Variants in TRIM11 observed in about 807,000 individuals in gnomAD.
The protein encoded by TRIM11 is tripartite motif containing 11.
In TRIM11, 15 loss-of-function variants were observed where a neutral mutation model predicts 33.4. The observed-to-expected ratio is 0.45, with a 90% confidence interval of 0.30 to 0.69. The LOEUF is 0.69. Among genes scored for constraint, TRIM11 ranks in the 30% least tolerant of loss-of-function variants. TRIM11 has a pLI of 0.08. For missense variants in TRIM11, 499 were observed against 667.6 expected (o/e 0.75, Z 2.78); for synonymous variants, 281 against 302.6 (o/e 0.93, Z 0.74).
chr1:228,404,002 A>G (rs1366565797), intron 1 of TRIM11: 3 of 152,226 alleles, frequency 2.0e-5, no homozygotes, highest in Admixed American at 6.5e-5. Context: ...ATTTGATCAG[A>G]TGGAATGGGC....
rs916142827 is a variant in TRIM11, at chr1:228,395,539, G to C, written c.860-287C>G. The C allele has an allele frequency of 3.3e-6, 1 of 299,528 alleles. No homozygotes were observed. The highest frequency in any genetic ancestry group is 6.1e-6 in the Non-Finnish European group (1 of 165,042). 18.6% of individuals were successfully genotyped at this position (299,528 alleles called of 1,614,324 possible). A position where few individuals can be genotyped will look rare whatever the true frequency, so the allele number is the denominator to read the frequency against. ...TTGCTTTTTTTTTTTTTTTTAAAGA[G>C]GCAGGGTCTTGCTCTGTGGCCCCAG... On this transcript the variant is annotated intron_variant, in intron 5 of 5. Coordinates refer to ENST00000284551, the MANE Select transcript of TRIM11 (RefSeq NM_145214.3). The surrounding 1 kb of genome is among the most constrained non-coding windows in gnomAD (Gnocchi z 4.8).
Position 228,406,338 on chromosome 1 carries a change from GC to G in TRIM11, c.223del (p.Ala75ProfsTer144). 1 of 1,482,040 alleles carries G rather than the reference GC, an allele frequency of 6.7e-7. No individual in the cohort carries two copies. The allele number at this position is 1,482,040 out of a possible 1,614,324, so 91.8% of individuals were successfully genotyped here. ...LRPNRPLAKMAEMARRLHPPS... is the reference protein window; with the variant it reads ...LRPNRPLAKMXEMARRLHPPS... The stretch of plus-strand genomic sequence containing the variant: ...CGGGTGCAGGCGCCGCGCCATCTCG[GC>G]CATCTTAGCAAGCGGGCGGTTGGGC... On this transcript the variant is annotated frameshift_variant, in exon 1 of 6. Transcript: ENST00000284551. LOFTEE classifies it high-confidence loss of function. This position sits in a 1 kb window ranked among gnomAD's most constrained non-coding sequence, Gnocchi z 8.2.
At chr1:228,398,535 C>A (rs12061642) in intron 3 of TRIM11, among the ~76,000 whole-genome samples, 13,686 of 152,176 alleles carry the variant, frequency 0.09, 871 homozygotes, top group East Asian at 0.32. Flanking sequence ...GGAAGGATCG[C>A]TTCAGCCCAG....
chr1:228,405,917 T>C (rs906661023), intron 1 of TRIM11: 22 of 390,824 alleles, frequency 5.6e-5, no homozygotes, highest in Non-Finnish European at 7.6e-5. Flanking sequence ...CAGGGTCTCA[T>C]TGGCGGCCAT....
chr1:228,405,150 G>A (rs1165163171), intron 1 of TRIM11: 2 of 152,234 alleles, frequency 1.3e-5, no homozygotes, highest in South Asian at 4.1e-4. Flanking sequence ...TTCCTGCATG[G>A]GCAAAGAAAA....
chr1:228,406,177 G>C lies in TRIM11; in HGVS notation c.385C>G (p.Gln129Glu), dbSNP rs984513198. 3 of 1,425,346 alleles carry C rather than the reference G, an allele frequency of 2.1e-6. No individual in the cohort carries two copies. Among genetic ancestry groups the C allele is most frequent in the Admixed American group, 3.1e-5 (1 of 31,808 alleles). The allele number at this position is 1,425,346 out of a possible 1,614,324, so 88.3% of individuals were successfully genotyped here. A position where few individuals can be genotyped will look rare whatever the true frequency, so the allele number is the denominator to read the frequency against. ...ACCTTGAGGTCTTCGGCCGCGTCCT[G>C]CAGCGGCCGCACGCGGTGCGCCCAG... is the stretch of plus-strand genomic sequence containing the variant. ...EHWAHRVRPL[Q>E]DAAEDLKAKL... The change falls in exon 1 of 6, where the codon CAG (glutamine) becomes GAG (glutamate). Residue 129 changes from glutamine to glutamate, a missense_variant. Gln to Glu is a conservative substitution (Grantham distance 29). Coordinates refer to ENST00000284551, the MANE Select transcript of TRIM11 (RefSeq NM_145214.3). This position sits in a 1 kb window ranked among gnomAD's most constrained non-coding sequence, Gnocchi z 8.2.
At chr1:228,397,618 C>T (rs2074997540) in intron 3 of TRIM11, 1 of 174,396 alleles carries the variant, frequency 5.7e-6, no homozygotes, top group Admixed American at 5.8e-5. Context: ...AGGCTCCCTG[C>T]TCAGCCCCAC....
At chr1:228,399,897 A>C (rs551331725) in intron 3 of TRIM11, among the ~76,000 whole-genome samples, 58 of 151,450 alleles carry the variant, frequency 3.8e-4, no homozygotes, top group Non-Finnish European at 6.0e-4. Context: ...AAAACAAAAA[A>C]AAAAAAACAA....
At chr1:228,398,738 G>C (rs775245358) in intron 3 of TRIM11, among the ~76,000 whole-genome samples, 5 of 152,096 alleles carry the variant, frequency 3.3e-5, no homozygotes, top group Non-Finnish European at 5.9e-5. Context: ...GCACAGGGCA[G>C]GGGCAGATGG....
intron 5 of TRIM11, 22 bp downstream of exon 5, chr1:228,396,925 C>A: frequency 1.2e-6 from 2 of 1,612,252 alleles, no homozygotes; most frequent in South Asian, 2.2e-5. Context: ...GTCATCTCCC[C>A]ACCTGGGGCC....
rs75635389 is a variant in TRIM11 at position 228,395,397 on chromosome 1, G to A, written c.860-145C>T. ...GCCTGTAGCCTCACAACCTCCTGGAGTAACTAACTGTCTCCAAGTGGACAT... is the reference window on the plus strand; with the variant it reads ...GCCTGTAGCCTCACAACCTCCTGGAATAACTAACTGTCTCCAAGTGGACAT... On this transcript the variant is annotated intron_variant, in intron 5 of 5. Coordinates refer to ENST00000284551, the MANE Select transcript of TRIM11 (RefSeq NM_145214.3). The surrounding 1 kb of genome is among the most constrained non-coding windows in gnomAD (Gnocchi z 4.8). The A allele has an allele frequency of 6.7e-4, 490 of 735,080 alleles. 4 individuals carry two copies. The African/African-American group carries it at 8.1e-3, about 12-fold the overall frequency. The allele number at this position is 735,080 out of a possible 1,614,324, so 45.5% of individuals were successfully genotyped here. A position where few individuals can be genotyped will look rare whatever the true frequency, so the allele number is the denominator to read the frequency against.
At chr1:228,405,501 C>T (rs1463754119) in intron 1 of TRIM11, 1 of 152,238 alleles carries the variant, frequency 6.6e-6, no homozygotes, top group East Asian at 1.9e-4. Context: ...GAACGTGTGC[C>T]CCAGGCCCTT....
At chr1:228,396,725 T>C (rs1225288411) in intron 5 of TRIM11, 2 of 718,182 alleles carry the variant, frequency 2.8e-6, no homozygotes, top group Non-Finnish European at 5.2e-6. Flanking sequence ...AATCCTTGGA[T>C]ACCCAATTCG....
intron 5 of TRIM11, 66 bp downstream of exon 5, chr1:228,396,881 G>T: frequency 6.8e-7 from 1 of 1,480,362 alleles, no homozygotes; most frequent in Non-Finnish European, 9.4e-7. Context: ...ACACGTGGCT[G>T]GCTGCCCAGG....
Position 228,394,537 on chromosome 1 carries a change from C to T in TRIM11, c.*168G>A. On this transcript the variant is annotated 3_prime_UTR_variant, in exon 6 of 6. Coordinates refer to ENST00000284551, the MANE Select transcript of TRIM11 (RefSeq NM_145214.3). This position sits in a 1 kb window ranked among gnomAD's most constrained non-coding sequence, Gnocchi z 6.2. ...CTGCCCCACACTCTCCCACAGTTTC[C>T]TGGAGTGCTAGAATTGGGGTTCTCC... 3 of 770,702 alleles carry T rather than the reference C, an allele frequency of 3.9e-6. No homozygotes were observed. Among genetic ancestry groups the T allele is most frequent in the South Asian group, 4.1e-5 (2 of 49,162 alleles). 47.7% of individuals were successfully genotyped at this position (770,702 alleles called of 1,614,324 possible).
At chr1:228,397,901 T>A (rs1436044826) in intron 3 of TRIM11, among the ~76,000 whole-genome samples, 2 of 152,116 alleles carry the variant, frequency 1.3e-5, no homozygotes, top group African/African-American at 2.4e-5. Context: ...CCTGTGAGGA[T>A]ACAGGGAAGA....
rs74141226 is a variant in TRIM11, at chr1:228,400,762, C to G, written c.735+202G>C. ...AAAATTGATTTTCCCTTTCTCGGCA[C>G]GTGGGTTTTGGGGGTGGGACATCTG... is the stretch of plus-strand genomic sequence containing the variant. On this transcript the variant is annotated intron_variant, in intron 3 of 5. Transcript: ENST00000284551. The surrounding 1 kb of genome is among the most constrained non-coding windows in gnomAD (Gnocchi z 4.5). Among the ~76,000 whole-genome samples, 185 of 152,288 alleles carry G rather than the reference C, an allele frequency of 1.2e-3. No homozygotes were observed. The highest frequency in any genetic ancestry group is 4.2e-3 in the African/African-American group (175 of 41,554).
At position 228,395,127 on chromosome 1, in the gene TRIM11, G is replaced by A; in HGVS notation, c.985C>T (p.Pro329Ser). 1 of 1,581,188 alleles carries A rather than the reference G, an allele frequency of 6.3e-7. No individual in the cohort carries two copies. Residue 329 changes from proline (P) to serine (S), a missense_variant, in exon 6 of 6, where the codon CCC becomes TCC. Coordinates refer to ENST00000284551, the MANE Select transcript of TRIM11 (RefSeq NM_145214.3). This position sits in a 1 kb window ranked among gnomAD's most constrained non-coding sequence, Gnocchi z 4.8. ...AAGCGCTCCTGGCCCAGCACGCAGG[G>A]GCCGGGGTCAAAGCGCTCTGGGCTG... ...PDSPERFDPG[P>S]CVLGQERFTS...
chr1:228,406,080 A>ACCACCC lies in TRIM11; in HGVS notation c.408+73_408+74insGGGTGG. 7.8e-7 allele frequency: 1 copy of ACCACCC among 1,278,040 alleles called. No individual in the cohort carries two copies. Among genetic ancestry groups the ACCACCC allele is most frequent in the Non-Finnish European group, 1.0e-6 (1 of 998,948 alleles). 79.2% of individuals were successfully genotyped at this position (1,278,040 alleles called of 1,614,324 possible). On this transcript the variant is annotated intron_variant, in intron 1 of 5. Coordinates refer to ENST00000284551, the MANE Select transcript of TRIM11 (RefSeq NM_145214.3). This position sits in a 1 kb window ranked among gnomAD's most constrained non-coding sequence, Gnocchi z 8.2. ...GATTACTCCCGGAGCAGTCCCCCAA[A>ACCACCC]CCTCCCACCCGCCCAGGCCTCCCCA...
Sources: gnomAD v4.1 joint callset for allele counts (sites outside exome capture counted in the v4.1 genomes callset) on GRCh38, gnomAD v4.1.1 for gene constraint, Gnocchi (gnomAD v3.1) non-coding constraint, MANE v1.5 for transcripts, NCBI Gene and HGNC (gene_info 2026-07-23, HGNC 2026-07-21) for gene names.